The following GNAS variants were observed in gnomAD, a reference collection of about 807,000 sequenced individuals.
GNAS encodes GNAS complex locus, also known as protein ALEX.
GNAS carries 8 observed loss-of-function variants against 54.5 expected under a neutral mutation model. The ratio of observed to expected loss-of-function variants is 0.15; its 90% confidence interval spans 0.09 to 0.26. The LOEUF (loss-of-function observed/expected upper bound fraction) is 0.26. Ranked by LOEUF, GNAS falls within the 10% of genes least tolerant of loss-of-function variation. The pLI is 1.00. For synonymous variants in GNAS, 204 were observed against 191.4 expected (o/e 1.07, Z -0.54); for missense variants, 170 against 529.8 (o/e 0.32, Z 6.67).
intron 1 of GNAS, among the ~76,000 whole-genome samples, chr20:58,892,804 C>T (rs1033740686): frequency 7.2e-5 from 11 of 151,834 alleles, no homozygotes; most frequent in Non-Finnish European, 1.3e-4. Flanking sequence ...ACAGTGTGAC[C>T]TTTTTTTCCC....
intron 1 of GNAS, among the ~76,000 whole-genome samples, chr20:58,864,779 A>G (rs1246250643): frequency 6.6e-6 from 1 of 152,182 alleles, no homozygotes; most frequent in Non-Finnish European, 1.5e-5. Context: ...GACTTCTCCT[A>G]GTTAGCTATA....
chr20:58,855,271 T>G, intron 1 of GNAS: 1 of 1,586,952 alleles, frequency 6.3e-7, no homozygotes, highest in Non-Finnish European at 8.6e-7. Context: ...AGTAAGCTCA[T>G]CGACAAACAA....
Position 58,853,582 on chromosome 20 carries a change from C to T in GNAS, c.43+12696C>T, listed in dbSNP as rs1362120329. The stretch of plus-strand genomic sequence containing the variant: ...CCTGAGGAAGCAATGCCCTTCGAGG[C>T]TGAACAGCCCAGCTTGGGAGGCTTC... On this transcript the variant is annotated intron_variant, in intron 1 of 12. Transcript: ENST00000306090. The surrounding 1 kb of genome is among the most constrained non-coding windows in gnomAD (Gnocchi z 4.4). 1.2e-6 allele frequency: 2 copies of T among 1,613,282 alleles called. No homozygotes were observed. The highest frequency in any genetic ancestry group is 8.5e-7 in the Non-Finnish European group (1 of 1,179,870).
intron 1 of GNAS, chr20:58,854,300 G>A: frequency 6.2e-7 from 1 of 1,605,616 alleles, no homozygotes; most frequent in Non-Finnish European, 8.5e-7. Flanking sequence ...CCCCAGATAA[G>A]AGAGAGCGAG....
Position 58,841,508 on chromosome 20 carries a change from A to C in GNAS, c.43+622A>C, listed in dbSNP as rs984115049. 1.0e-6 allele frequency: 1 copy of C among 991,154 alleles called. No homozygotes were observed. Among genetic ancestry groups the C allele is most frequent in the Non-Finnish European group, 1.2e-6 (1 of 834,254 alleles). 61.4% of individuals were successfully genotyped at this position (991,154 alleles called of 1,614,324 possible). A position where few individuals can be genotyped will look rare whatever the true frequency, so the allele number is the denominator to read the frequency against. On this transcript the variant is annotated intron_variant, in intron 1 of 12. Coordinates refer to the GNAS transcript ENST00000306090. The surrounding 1 kb of genome is among the most constrained non-coding windows in gnomAD (Gnocchi z 5.0). Reference sequence around the variant, plus strand: ...CCAGAGCTGACAATTAAGCCGCGGGACCTCCGCGCCAGTGCCTCCAGCTGC... The same window carrying C: ...CCAGAGCTGACAATTAAGCCGCGGGCCCTCCGCGCCAGTGCCTCCAGCTGC...
intron 1 of GNAS, among the ~76,000 whole-genome samples, chr20:58,872,732 C>G (rs935808293): frequency 6.6e-6 from 1 of 151,688 alleles, no homozygotes; most frequent in Non-Finnish European, 1.5e-5. Context: ...GTTGATTGCT[C>G]TGTGCTGGGG....
At chr20:58,902,122 TC>T (rs11477757) in intron 3 of GNAS, among the ~76,000 whole-genome samples, 88,910 of 147,912 alleles carry the variant, frequency 0.6, 26,740 homozygotes, top group South Asian at 0.7. Context: ...CCTCGGTGAC[TC>T]CCCCCCTCTT....
rs2091280294 is a variant in GNAS at position 58,909,267 on chromosome 20, A to G, written c.585+51A>G. 1 of 1,585,916 alleles carries G rather than the reference A, an allele frequency of 6.3e-7. No homozygotes were observed. Among genetic ancestry groups the G allele is most frequent in the Non-Finnish European group, 8.7e-7 (1 of 1,154,854 alleles). ...GGACTCTGAGCCCTCTTTCCAAACT[A>G]CTCCAGACCTTTGCTTTAGATTGGC... On this transcript the variant is annotated intron_variant, in intron 7 of 12. Coordinates refer to ENST00000371085, the MANE Select transcript of GNAS (RefSeq NM_000516.7). This position sits in a 1 kb window ranked among gnomAD's most constrained non-coding sequence, Gnocchi z 7.3.
At position 58,841,840 on chromosome 20, in the gene GNAS, C is replaced by A. The variant is rs1473995939; in HGVS notation, c.43+954C>A. On this transcript the variant is annotated intron_variant, in intron 1 of 12. Coordinates refer to the GNAS transcript ENST00000306090. This position sits in a 1 kb window ranked among gnomAD's most constrained non-coding sequence, Gnocchi z 5.0. ...GACGTCCTGGGCTGTTTGCGCAGGACCTCTGGAGGCCCTCGAGATCGTCGC... is the reference window on the plus strand; with the variant it reads ...GACGTCCTGGGCTGTTTGCGCAGGAACTCTGGAGGCCCTCGAGATCGTCGC... The A allele has an allele frequency of 3.2e-6, 4 of 1,230,862 alleles. No individual in the cohort carries two copies. The highest frequency in any genetic ancestry group is 4.0e-6 in the Non-Finnish European group (4 of 987,974). The allele number at this position is 1,230,862 out of a possible 1,614,324, so 76.2% of individuals were successfully genotyped here. A position where few individuals can be genotyped will look rare whatever the true frequency, so the allele number is the denominator to read the frequency against.
chr20:58,859,770 G>GT (rs1326587178), intron 1 of GNAS, among the ~76,000 whole-genome samples: 1 of 151,790 alleles, frequency 6.6e-6, no homozygotes, highest in Non-Finnish European at 1.5e-5. Context: ...AGGATTACAG[G>GT]TGCATGCACC....
intron 3 of GNAS, chr20:58,899,509 C>T (rs1432331438): frequency 1.8e-6 from 1 of 542,610 alleles, no homozygotes. Flanking sequence ...AAGCCTCTGG[C>T]CTTTTAAAAA....
Position 58,853,781 on chromosome 20 carries a change from A to G in GNAS, c.43+12895A>G, listed in dbSNP as rs768933780. 3 of 1,612,608 alleles carry G rather than the reference A, an allele frequency of 1.9e-6. No homozygotes were observed. In the South Asian group the frequency reaches 3.3e-5, roughly 18 times the overall value. On this transcript the variant is annotated intron_variant, in intron 1 of 12. Coordinates refer to the GNAS transcript ENST00000306090. This position sits in a 1 kb window ranked among gnomAD's most constrained non-coding sequence, Gnocchi z 4.4. ...TTGAGTTTGACCAGCCTGCCCAGAG[A>G]GGCTGCAGTCAACTTCTCTTACAGG...
chr20:58,858,037 TAC>T (rs1387797425), intron 1 of GNAS, among the ~76,000 whole-genome samples: 3 of 152,220 alleles, frequency 2.0e-5, no homozygotes, highest in Non-Finnish European at 4.4e-5. Flanking sequence ...CAAAGCAGGC[TAC>T]AGTTTTTGAC....
At position 58,906,659 on chromosome 20, in the gene GNAS, G is replaced by A. The variant is rs574304670; in HGVS notation, c.530+1179G>A. On this transcript the variant is annotated intron_variant, in intron 6 of 12. Coordinates refer to ENST00000371085, the MANE Select transcript of GNAS (RefSeq NM_000516.7). ...TGATTCTCCTGCCTCAGCCTCCCGA[G>A]TAGCTGGGACTACAGGTGCCTGCCG... 6.6e-5 allele frequency among the ~76,000 whole-genome samples: 10 copies of A among 152,250 alleles called. No homozygotes were observed. The South Asian group carries it at 1.9e-3, about 28-fold the overall frequency.
At chr20:58,892,109 C>T (rs929874543) in intron 1 of GNAS, 7 of 967,956 alleles carry the variant, frequency 7.2e-6, no homozygotes, top group Non-Finnish European at 7.4e-6. Flanking sequence ...CCTCCCCCGG[C>T]CTGCCCGCTC....
chr20:58,856,513 T>A lies in GNAS; in HGVS notation c.43+15627T>A, dbSNP rs1196039542. On this transcript the variant is annotated intron_variant, in intron 1 of 12. Coordinates refer to the GNAS transcript ENST00000306090. The surrounding 1 kb of genome is among the most constrained non-coding windows in gnomAD (Gnocchi z 4.2). ...TGTGAGTGGAATGTCACCTTTGTGT[T>A]TGAAATGCAACTAAAATAAAAGTTT... The A allele has an allele frequency of 6.6e-6, 1 of 152,632 alleles. No individual in the cohort carries two copies. Among genetic ancestry groups the A allele is most frequent in the Non-Finnish European group, 1.5e-5 (1 of 68,052 alleles). 9.5% of individuals were successfully genotyped at this position (152,632 alleles called of 1,614,324 possible).
chr20:58,854,700 G>A, intron 1 of GNAS: 1 of 1,530,320 alleles, frequency 6.5e-7, no homozygotes. Context: ...CGCCCCTGCG[G>A]CTGCTGAGAC....
intron 1 of GNAS, among the ~76,000 whole-genome samples, chr20:58,875,850 G>A (rs1015031156): frequency 3.3e-5 from 5 of 152,188 alleles, no homozygotes; most frequent in African/African-American, 1.2e-4. Context: ...AGTACTATAC[G>A]GTTGCTTTAC....
At chr20:58,899,119 T>A in intron 3 of GNAS, 134 bp downstream of exon 3, 1 of 774,604 alleles carries the variant, frequency 1.3e-6, no homozygotes, top group Non-Finnish European at 2.3e-6. Context: ...TTGGCATACA[T>A]TTGTGAATAA....
Sources: allele counts gnomAD v4.1 joint callset (sites outside exome capture counted in the v4.1 genomes callset), GRCh38; gene constraint gnomAD v4.1.1; non-coding constraint Gnocchi (gnomAD v3.1); transcripts MANE v1.5; gene names NCBI Gene and HGNC (gene_info 2026-07-23, HGNC 2026-07-21).